EPB41L3: variants seen among roughly 807,000 people sequenced by gnomAD.
EPB41L3 encodes erythrocyte membrane protein band 4.1 like 3.
In EPB41L3, 57 loss-of-function variants were observed where a neutral mutation model predicts 127.1. The observed-to-expected ratio is 0.45, with a 90% CI of 0.36 to 0.56. The LOEUF is 0.56. Among genes scored for constraint, EPB41L3 ranks in the 20% least tolerant of loss-of-function variants. The probability of loss-of-function intolerance (pLI) is 0.00; values close to 1 mark genes in which losing one functional copy is unlikely to be tolerated. For missense variants in EPB41L3, 1,273 were observed against 1,372.2 expected, an observed-to-expected ratio of 0.93 and a Z score of 1.14; for synonymous variants, 572 against 549.5, an observed-to-expected ratio of 1.04 and a Z score of -0.57.
intron 2 of EPB41L3, among the ~76,000 whole-genome samples, chr18:5,484,519 T>TAAAAAAA (rs145804896): frequency 1.4e-5 from 2 of 146,280 alleles, no homozygotes; most frequent in African/African-American, 5.0e-5. Flanking sequence ...GAAATTGAGA[T>TAAAAAAA]AAAAAAAAAA....
chr18:5,586,426 G>A (rs1170479208), intron 3 of EPB41L3, among the ~76,000 whole-genome samples: 1 of 148,792 alleles, frequency 6.7e-6, no homozygotes, highest in Non-Finnish European at 1.5e-5. Context: ...TTGAAATAGG[G>A]TCTTGCTCTG....
intron 1 of EPB41L3, among the ~76,000 whole-genome samples, chr18:5,518,924 G>A (rs118117710): frequency 0.012 from 1,797 of 152,250 alleles, 13 homozygotes; most frequent in Non-Finnish European, 0.018. Context: ...TCTCTCAAAC[G>A]TAACAGGAGT....
intron 1 of EPB41L3, among the ~76,000 whole-genome samples, chr18:5,525,269 G>A (rs2093175893): frequency 6.6e-6 from 1 of 152,128 alleles, no homozygotes; most frequent in African/African-American, 2.4e-5. Context: ...AAAGCAACCA[G>A]GAGTTATCCA....
At chr18:5,584,874 G>A (rs1222204174) in intron 3 of EPB41L3, among the ~76,000 whole-genome samples, 1 of 152,152 alleles carries the variant, frequency 6.6e-6, no homozygotes, top group Non-Finnish European at 1.5e-5. Context: ...GCTTCAAAGA[G>A]AAGACTGTCT....
intron 3 of EPB41L3, among the ~76,000 whole-genome samples, chr18:5,564,030 T>C (rs1232918167): frequency 6.6e-6 from 1 of 151,978 alleles, no homozygotes; most frequent in Non-Finnish European, 1.5e-5. Flanking sequence ...CAAGGAAGTA[T>C]CGAAAAGAGA....
At chr18:5,406,748 C>A in intron 16 of EPB41L3, 29 bp downstream of exon 16, 13 of 1,592,936 alleles carry the variant, frequency 8.2e-6, no homozygotes, top group Non-Finnish European at 1.1e-5. Context: ...AAACAGAATA[C>A]GAGTCTGACC....
At chr18:5,624,466 A>C (rs1009466848) in intron 1 of EPB41L3, among the ~76,000 whole-genome samples, 2 of 152,236 alleles carry the variant, frequency 1.3e-5, no homozygotes, top group African/African-American at 4.8e-5. Flanking sequence ...GAAGAATGCC[A>C]ATTTTACAGA....
chr18:5,611,218 G>C (rs2094721363), intron 3 of EPB41L3, among the ~76,000 whole-genome samples: 1 of 152,224 alleles, frequency 6.6e-6, no homozygotes, highest in African/African-American at 2.4e-5. Context: ...AGAATTATTT[G>C]TAATAGTCAA....
chr18:5,481,785 C>A (rs916248455), intron 2 of EPB41L3, among the ~76,000 whole-genome samples: 3 of 152,172 alleles, frequency 2.0e-5, no homozygotes, highest in Non-Finnish European at 4.4e-5. Flanking sequence ...CCAGGATAAT[C>A]CCTCATTCAG....
intron 3 of EPB41L3, among the ~76,000 whole-genome samples, chr18:5,600,042 A>G (rs1268456514): frequency 6.6e-6 from 1 of 152,238 alleles, no homozygotes; most frequent in African/African-American, 2.4e-5. Context: ...GTGGCTGCTA[A>G]GTAAACAATT....
intron 1 of EPB41L3, among the ~76,000 whole-genome samples, chr18:5,492,284 C>CTTTCCCTTTCCAACTAACTAAAG (rs1281904611): frequency 1.2e-4 from 18 of 148,702 alleles, no homozygotes; most frequent in South Asian, 4.3e-4. Context: ...TGCACCACTG[C>CTTTCCCTTTCCAACTAACTAAAG]ACTCCAGCCT....
intron 3 of EPB41L3, among the ~76,000 whole-genome samples, chr18:5,575,781 G>A (rs1448242920): frequency 3.9e-5 from 6 of 152,152 alleles, no homozygotes; most frequent in Non-Finnish European, 8.8e-5. Flanking sequence ...AGGTTGCAGT[G>A]AGCCAACATG....
chr18:5,483,311 C>T (rs1404489053), intron 2 of EPB41L3, among the ~76,000 whole-genome samples: 1 of 151,788 alleles, frequency 6.6e-6, no homozygotes, highest in East Asian at 1.9e-4. Context: ...TTCTGGTAAG[C>T]CTCATAGTAA....
rs572374284 is a variant in EPB41L3, at chr18:5,442,809, C to T, written c.529+1029G>A. Among the ~76,000 whole-genome samples the T allele has an allele frequency of 3.9e-5, 6 of 152,248 alleles. No individual in the cohort carries two copies. In the South Asian group the frequency reaches 8.3e-4, roughly 21 times the overall value. On this transcript the variant is annotated intron_variant, in intron 5 of 22. Coordinates refer to ENST00000341928, the MANE Select transcript of EPB41L3 (RefSeq NM_012307.5). ...TTTAAAAACTCCTCCTTCTCAACCCCGACACTGGATGATACTGCTGGAGTA... is the reference window on the plus strand; with the variant it reads ...TTTAAAAACTCCTCCTTCTCAACCCTGACACTGGATGATACTGCTGGAGTA...
intron 1 of EPB41L3, among the ~76,000 whole-genome samples, chr18:5,514,670 C>A (rs186999987): frequency 1.5e-3 from 235 of 152,162 alleles, no homozygotes; most frequent in Non-Finnish European, 3.0e-3. Context: ...ATGAAAAATG[C>A]TAAGTCTCAG....
chr18:5,527,012 A>T (rs1034126571), intron 1 of EPB41L3, among the ~76,000 whole-genome samples: 1 of 88,344 alleles, frequency 1.1e-5, no homozygotes, highest in African/African-American at 5.5e-5. Context: ...TCATTGGTTA[A>T]AAAAAAAAAA....
intron 1 of EPB41L3, among the ~76,000 whole-genome samples, chr18:5,502,097 G>A (rs1237212136): frequency 2.6e-5 from 4 of 152,112 alleles, no homozygotes; most frequent in Non-Finnish European, 5.9e-5. Flanking sequence ...TAAAAGGACG[G>A]CCCTGTGGTT....
At chr18:5,630,288 G>C, upstream of EPB41L3, 1 of 497,008 alleles carries the variant, frequency 2.0e-6, no homozygotes, top group South Asian at 1.4e-5. Flanking sequence ...TCGAGCCAAG[G>C]GCAGGCGGCC....
intron 3 of EPB41L3, among the ~76,000 whole-genome samples, chr18:5,465,711 A>G (rs2084837067): frequency 6.6e-6 from 1 of 152,170 alleles, no homozygotes; most frequent in Non-Finnish European, 1.5e-5. Context: ...CTTCACAGAT[A>G]AGACAACTGA....
Sources: allele counts gnomAD v4.1 joint callset (sites outside exome capture counted in the v4.1 genomes callset), GRCh38; gene constraint gnomAD v4.1.1; transcripts MANE v1.5; gene names NCBI Gene and HGNC (gene_info 2026-07-23, HGNC 2026-07-21).